STAG2: variants seen among roughly 807,000 people sequenced by gnomAD.
STAG2 encodes the protein cohesin subunit SA-2.
Under a neutral mutation model 108.1 loss-of-function variants are expected in STAG2, and 14 were observed. The observed-to-expected ratio is 0.13, with a 90% CI of 0.09 to 0.20. STAG2 has a LOEUF of 0.20. Ranked by LOEUF, STAG2 falls within the 10% of genes least tolerant of loss-of-function variation. The pLI, the probability that STAG2 is intolerant of heterozygous loss-of-function variation, is 1.00. For synonymous variants in STAG2, 307 were observed against 302.7 expected, an observed-to-expected ratio of 1.01 and a Z score of -0.15; for missense variants, 440 against 940.9, an observed-to-expected ratio of 0.47 and a Z score of 6.96.
chrX:123,999,071 C>T (rs761547394), intron 1 of STAG2, among the ~76,000 whole-genome samples: 7 of 111,626 alleles, frequency 6.3e-5, no homozygotes, highest in Non-Finnish European at 1.1e-4. Context: ...TGCTCTCCAG[C>T]CTGGGTGACA....
At chrX:124,071,889 G>GT (rs2058673187) in intron 25 of STAG2, among the ~76,000 whole-genome samples, 1 of 111,569 alleles carries the variant, frequency 9.0e-6, no homozygotes, top group African/African-American at 3.3e-5. Context: ...CTAGTGTTAA[G>GT]TTACTCTTCA....
intron 3 of STAG2, among the ~76,000 whole-genome samples, chrX:124,023,177 A>G (rs1569505500): frequency 8.9e-6 from 1 of 111,785 alleles, no homozygotes; most frequent in Non-Finnish European, 1.9e-5. Flanking sequence ...TTTTATTCTA[A>G]TTACTCCTTG....
rs762376549 is a variant in STAG2, at chrX:123,990,855, A to G, written c.-163+28999A>G. Among the ~76,000 whole-genome samples the G allele has an allele frequency of 1.7e-3, 189 of 111,878 alleles. 1 individual carries two copies. Among genetic ancestry groups the G allele is most frequent in the African/African-American group, 5.2e-3 (161 of 30,819 alleles). On this transcript the variant is annotated intron_variant, in intron 1 of 34. Coordinates refer to ENST00000371145, the MANE Select transcript of STAG2 (RefSeq NM_001042750.2). ...CCTGGGGACACCAGGCTGTTTGCCTAGATATTTCTTTGCTTGGGCTGTTTC... is the reference window on the plus strand; with the variant it reads ...CCTGGGGACACCAGGCTGTTTGCCTGGATATTTCTTTGCTTGGGCTGTTTC...
chrX:124,088,575 A>C (rs2059163665), intron 30 of STAG2, among the ~76,000 whole-genome samples: 1 of 104,950 alleles, frequency 9.5e-6, no homozygotes, highest in Admixed American at 1.0e-4. Context: ...TTCCACTCTT[A>C]TTCCTTAAAA....
At chrX:124,052,310 G>A (rs1315735424) in intron 13 of STAG2, among the ~76,000 whole-genome samples, 2 of 111,612 alleles carry the variant, frequency 1.8e-5, no homozygotes, top group East Asian at 2.8e-4. Context: ...CTGGAGCTCT[G>A]TACCCATTAA....
chrX:123,975,575 T>C (rs2054582375), intron 1 of STAG2, among the ~76,000 whole-genome samples: 1 of 112,018 alleles, frequency 8.9e-6, no homozygotes, highest in Admixed American at 9.5e-5. Context: ...GCGATTCTCC[T>C]GCCTCAGCCT....
chrX:123,963,073 T>C (rs1161823966), intron 1 of STAG2: 1 of 111,815 alleles, frequency 8.9e-6, no homozygotes, highest in Non-Finnish European at 1.9e-5. Flanking sequence ...CCTTTTTTTC[T>C]GTTGTCTTTT....
intron 25 of STAG2, among the ~76,000 whole-genome samples, chrX:124,074,123 A>G (rs1053663173): frequency 1.1e-4 from 12 of 112,414 alleles, no homozygotes; most frequent in Middle Eastern, 4.6e-3. Flanking sequence ...TATATTGCTC[A>G]GGCTGGCCTC....
At chrX:123,980,291 A>T (rs1397359587) in intron 1 of STAG2, among the ~76,000 whole-genome samples, 2 of 111,048 alleles carry the variant, frequency 1.8e-5, no homozygotes, top group African/African-American at 6.6e-5. Context: ...GGGGGTACTT[A>T]GAATTAAAGA....
chrX:123,974,320 C>A (rs1488444046), intron 1 of STAG2, among the ~76,000 whole-genome samples: 3 of 107,427 alleles, frequency 2.8e-5, no homozygotes, highest in Non-Finnish European at 5.8e-5. Context: ...GAAACCTCCA[C>A]CTCCTGAGTT....
At chrX:123,990,015 G>T (rs1365831450) in intron 1 of STAG2, among the ~76,000 whole-genome samples, 1 of 111,940 alleles carries the variant, frequency 8.9e-6, no homozygotes, top group Non-Finnish European at 1.9e-5. Context: ...ACTGCAAGTT[G>T]TCCAGGTTCT....
At chrX:124,031,339 C>CT (rs2057325338) in intron 5 of STAG2, among the ~76,000 whole-genome samples, 1 of 110,246 alleles carries the variant, frequency 9.1e-6, no homozygotes, top group African/African-American at 3.3e-5. Flanking sequence ...ATGCTTTTTT[C>CT]TTTTTTCTTA....
At chrX:124,060,414 C>A (rs1162735308) in intron 15 of STAG2, among the ~76,000 whole-genome samples, 1 of 112,360 alleles carries the variant, frequency 8.9e-6, no homozygotes, top group Admixed American at 9.4e-5. Context: ...GCGTGAGCCA[C>A]CATGCCCAGC....
At chrX:124,066,941 T>C (rs2058547261) in intron 23 of STAG2, among the ~76,000 whole-genome samples, 1 of 112,074 alleles carries the variant, frequency 8.9e-6, no homozygotes, top group South Asian at 3.7e-4. Context: ...TTAATGTGTT[T>C]AGTAATTGAA....
chrX:124,085,908 A>G (rs2059092858), intron 29 of STAG2, among the ~76,000 whole-genome samples: 1 of 111,762 alleles, frequency 8.9e-6, no homozygotes, highest in South Asian at 3.7e-4. Flanking sequence ...ATCAGTCATT[A>G]CAATGACAGC....
At position 124,090,929 on chromosome X, in the gene STAG2, C is replaced by T; in HGVS notation, c.3543C>T (p.Ser1181=). The change falls in exon 32 of 35, where the codon AGC becomes AGT. Residue 1181 remains serine, a synonymous_variant. Transcript: ENST00000371145. ...ARQQQERAAM[S]YVKLRTNLQH... is the part of the protein sequence containing the mutation. ...AACAGCAGGAGAGAGCAGCAATGAG[C>T]TATGTTAAACTGCGAACTAATCTTC... 5.8e-6 allele frequency: 7 copies of T among 1,208,564 alleles called. No homozygotes were observed. The highest frequency in any genetic ancestry group is 7.8e-6 in the Non-Finnish European group (7 of 893,071).
At chrX:124,015,965 G>C (rs766508794) in intron 1 of STAG2, among the ~76,000 whole-genome samples, 2 of 111,612 alleles carry the variant, frequency 1.8e-5, no homozygotes, top group Middle Eastern at 4.6e-3. Flanking sequence ...GTTGTCAGGA[G>C]CCTGTAAGAA....
intron 14 of STAG2, among the ~76,000 whole-genome samples, 197 bp downstream of exon 14, chrX:124,056,432 G>T (rs1014786575): frequency 3.6e-5 from 4 of 110,496 alleles, no homozygotes; most frequent in African/African-American, 1.3e-4. Context: ...TTTTAAGTTA[G>T]ATCTTTAAAG....
At chrX:124,020,284 TTA>T (rs1308907051) in intron 1 of STAG2, among the ~76,000 whole-genome samples, 2 of 111,797 alleles carry the variant, frequency 1.8e-5, no homozygotes, top group Non-Finnish European at 3.8e-5. Context: ...TGCTTAGAAA[TTA>T]TATTGAAGGA....
Sources: allele counts gnomAD v4.1 joint callset (sites outside exome capture counted in the v4.1 genomes callset), GRCh38; gene constraint gnomAD v4.1.1; transcripts MANE v1.5; gene names NCBI Gene and HGNC (gene_info 2026-07-23, HGNC 2026-07-21).